Variants in EIF4ENIF1 observed in about 807,000 individuals in gnomAD.
The protein encoded by EIF4ENIF1 is eukaryotic translation initiation factor 4E transporter.
EIF4ENIF1 carries 23 observed loss-of-function variants against 110.5 expected under a neutral mutation model. That is an observed-to-expected ratio of 0.21 (90% CI 0.15 to 0.29). The LOEUF is 0.29. Ranked by LOEUF, EIF4ENIF1 falls within the 10% of genes least tolerant of loss-of-function variation. The probability of loss-of-function intolerance (pLI) is 1.00; values close to 1 mark genes in which losing one functional copy is unlikely to be tolerated. For synonymous variants in EIF4ENIF1, 440 were observed against 437.0 expected, an observed-to-expected ratio of 1.01 and a Z score of -0.09; for missense variants, 1,031 against 1,221.1, an observed-to-expected ratio of 0.84 and a Z score of 2.32.
Position 31,443,093 on chromosome 22 carries a change from A to G in EIF4ENIF1, c.2075T>C (p.Leu692Pro). 1 of 1,613,812 alleles carries G rather than the reference A, an allele frequency of 6.2e-7. No homozygotes were observed. Among genetic ancestry groups the G allele is most frequent in the Non-Finnish European group, 8.5e-7 (1 of 1,179,954 alleles). ...TGAGGTAGGGGTAAAGGAAGGAGAA[A>G]GCTGCAGAGAAAAACAATTGGCATT... ...PAPAASITSM[L>P]SPSFTPTSVI... The change falls in exon 16 of 19, where the codon CTT becomes CCT. Residue 692 changes from leucine (L) to proline (P), a missense_variant and splice_region_variant. This residue lies in a region of EIF4ENIF1 where 704 missense variants were observed against 879.7 expected (regional missense o/e 0.80). Coordinates refer to ENST00000330125, the MANE Select transcript of EIF4ENIF1 (RefSeq NM_019843.4).
In EIF4ENIF1 at chr22:31,464,691, A is replaced by T. The variant is rs1391896081; in HGVS notation, c.299-724T>A. 5.9e-3 allele frequency among the ~76,000 whole-genome samples: 293 copies of T among 49,710 alleles called. 6 individuals are homozygous for T. The highest frequency in any genetic ancestry group is 0.018 in the Admixed American group (89 of 4,832). The allele number at this position is 49,710 out of a possible 152,430, so 32.6% of individuals were successfully genotyped here. A position where few individuals can be genotyped will look rare whatever the true frequency, so the allele number is the denominator to read the frequency against. ...ATTCAGTCTCAAAAAAAAAAAAAAA[A>T]AAAAAAAAATATATATATATATATA... On this transcript the variant is annotated intron_variant, in intron 4 of 18. Coordinates refer to ENST00000330125, the MANE Select transcript of EIF4ENIF1 (RefSeq NM_019843.4).
intron 2 of EIF4ENIF1, among the ~76,000 whole-genome samples, chr22:31,477,506 AAG>A (rs1224013414): frequency 1.3e-5 from 2 of 152,368 alleles, no homozygotes; most frequent in Admixed American, 6.5e-5. Flanking sequence ...CTCAGTTAAG[AAG>A]AGTTAACAAA....
chr22:31,444,602 T>C lies in EIF4ENIF1; in HGVS notation c.2073+4A>G. The C allele has an allele frequency of 6.2e-7, 1 of 1,613,932 alleles. No individual in the cohort carries two copies. The highest frequency in any genetic ancestry group is 1.7e-4 in the Middle Eastern group (1 of 6,060). ...GTCCTTCACAGTTACTAAAGGTCAC[T>C]GACCATGCTTGTGATGGAGGCAGCA... On this transcript the variant is annotated splice_donor_region_variant and intron_variant, in intron 15 of 18. Transcript: ENST00000330125.
rs1383691227 is a variant in EIF4ENIF1, at chr22:31,473,157, AT to A, written c.97-1241del. Among the ~76,000 whole-genome samples, 6 of 151,458 alleles carry A rather than the reference AT, an allele frequency of 4.0e-5. No homozygotes were observed. The East Asian group carries it at 1.2e-3, about 29-fold the overall frequency. ...GTGCCTATTTCCTAAGAATGAAGATATTCCTTTACAGCCTGTTATCCAGCTC... is the reference window on the plus strand; with the variant it reads ...GTGCCTATTTCCTAAGAATGAAGATATCCTTTACAGCCTGTTATCCAGCTC... On this transcript the variant is annotated intron_variant, in intron 2 of 18. Transcript: ENST00000330125.
intron 14 of EIF4ENIF1, among the ~76,000 whole-genome samples, chr22:31,445,053 A>T (rs1343122757): frequency 1.3e-5 from 2 of 152,198 alleles, no homozygotes; most frequent in Non-Finnish European, 2.9e-5. Context: ...GCTGCATTCC[A>T]TTGGGTGCGA....
At chr22:31,450,660 G>A (rs1008281242) in intron 10 of EIF4ENIF1, 58 of 317,912 alleles carry the variant, frequency 1.8e-4, no homozygotes, top group Admixed American at 1.2e-3. Flanking sequence ...TGGTGAAACC[G>A]GGGAACACTT....
intron 10 of EIF4ENIF1, chr22:31,450,681 A>C: frequency 3.3e-6 from 1 of 307,422 alleles, no homozygotes; most frequent in Non-Finnish European, 6.3e-6. Flanking sequence ...ACTTGAGATA[A>C]CTCTTGCTAC....
intron 17 of EIF4ENIF1, 73 bp downstream of exon 17, chr22:31,441,701 G>T: frequency 7.9e-7 from 1 of 1,268,048 alleles, no homozygotes; most frequent in Non-Finnish European, 1.1e-6. Context: ...CCACATTATA[G>T]CACTTCATCA....
rs757502488 is a variant in EIF4ENIF1 at position 31,440,867 on chromosome 22, A to G, written c.2553T>C (p.Gly851=). The change falls in exon 18 of 19, where the codon GGT becomes GGC. Residue 851 remains glycine (G), a splice_region_variant and synonymous_variant. Coordinates refer to ENST00000330125, the MANE Select transcript of EIF4ENIF1 (RefSeq NM_019843.4). ...TCAAGTCCATCCCAGGAGGAAGCAC[A>G]CCTGTTGAGCAGAAAAAGCAAGCAG... ...PQHLPSLLQT[G]VLPPGMDLSH... 1.2e-6 allele frequency: 2 copies of G among 1,613,896 alleles called. No individual in the cohort carries two copies. The highest frequency in any genetic ancestry group is 2.2e-5 in the South Asian group (2 of 91,076).
At position 31,463,090 on chromosome 22, in the gene EIF4ENIF1, C is replaced by A. The variant is rs1433971135; in HGVS notation, c.629G>T (p.Arg210Ile). ...DSKRVFGERR[R>I]NDSYTEEEPE... ...TTCTTCTTCTGTGTAAGAATCATTT[C>A]TTCTACGCTCACCAAAGACACGCTT... Residue 210 changes from arginine (R) to isoleucine (I), a missense_variant, in exon 6 of 19, where the codon AGA (arginine) becomes ATA (isoleucine). By Grantham distance (97) the Arg-to-Ile change is moderately conservative. Around this residue, in one of 3 missense-constraint regions of EIF4ENIF1, gnomAD observed 704 missense variants for 879.7 expected, o/e 0.80. Transcript: ENST00000330125. 6.2e-7 allele frequency: 1 copy of A among 1,614,168 alleles called. No individual in the cohort carries two copies. The highest frequency in any genetic ancestry group is 8.5e-7 in the Non-Finnish European group (1 of 1,180,028).
At chr22:31,468,053 CA>C (rs2051249792) in intron 4 of EIF4ENIF1, 121 bp downstream of exon 4, 1 of 1,410,164 alleles carries the variant, frequency 7.1e-7, no homozygotes, top group Admixed American at 2.2e-5. Flanking sequence ...ACCGATAAAT[CA>C]GTTTCCTGAT....
chr22:31,459,142 G>T (rs1419902742), intron 6 of EIF4ENIF1, among the ~76,000 whole-genome samples: 1 of 151,916 alleles, frequency 6.6e-6, no homozygotes, highest in Non-Finnish European at 1.5e-5. Flanking sequence ...TGCACAGCCT[G>T]GACTTAAACT....
At position 31,458,642 on chromosome 22, in the gene EIF4ENIF1, C is replaced by T. The variant is rs773059638; in HGVS notation, c.796G>A (p.Glu266Lys). 6.3e-7 allele frequency: 1 copy of T among 1,581,222 alleles called. No individual in the cohort carries two copies. The highest frequency in any genetic ancestry group is 1.8e-4 in the Middle Eastern group (1 of 5,510). ...RTASVKEGIV[E>K]CNGGVAEEDE... ...TCTTCGGCCACTCCTCCATTGCACT[C>T]TACTATACCTGAAAGCAAAACCAGG... The change falls in exon 7 of 19, where the codon GAG (glutamate) becomes AAG (lysine). Residue 266 changes from glutamate (E) to lysine (K), a missense_variant. Coordinates refer to ENST00000330125, the MANE Select transcript of EIF4ENIF1 (RefSeq NM_019843.4).
chr22:31,480,478 G>A (rs1237854953), intron 2 of EIF4ENIF1, among the ~76,000 whole-genome samples: 2 of 152,134 alleles, frequency 1.3e-5, no homozygotes, highest in African/African-American at 4.8e-5. Flanking sequence ...ATATTCCTGG[G>A]CGGGCGTGGT....
At position 31,449,586 on chromosome 22, in the gene EIF4ENIF1, G is replaced by A; in HGVS notation, c.1585-55C>T. The A allele has an allele frequency of 3.9e-6, 6 of 1,531,370 alleles. No individual in the cohort carries two copies. In the South Asian group the frequency reaches 7.4e-5, roughly 19 times the overall value. The allele number at this position is 1,531,370 out of a possible 1,614,324, so 94.9% of individuals were successfully genotyped here. A position where few individuals can be genotyped will look rare whatever the true frequency, so the allele number is the denominator to read the frequency against. ...ACTTAGTTATTCCTTCTACTCAGAG[G>A]CTGTGAATTATGGATTAACTTTTGA... On this transcript the variant is annotated intron_variant, in intron 11 of 18. Coordinates refer to ENST00000330125, the MANE Select transcript of EIF4ENIF1 (RefSeq NM_019843.4).
At chr22:31,451,476 A>G (rs1159045074) in intron 10 of EIF4ENIF1, among the ~76,000 whole-genome samples, 6 of 150,290 alleles carry the variant, frequency 4.0e-5, no homozygotes, top group Non-Finnish European at 7.4e-5. Flanking sequence ...GGGTTTCACC[A>G]TGTTGGCCAG....
intron 2 of EIF4ENIF1, among the ~76,000 whole-genome samples, chr22:31,486,745 C>G (rs1267294529): frequency 6.6e-6 from 1 of 151,796 alleles, no homozygotes; most frequent in African/African-American, 2.4e-5. Flanking sequence ...CCATTGCACT[C>G]TGGTGATAGA....
intron 12 of EIF4ENIF1, 47 bp from the exon 13 acceptor site, chr22:31,448,279 A>C (rs1427911099): frequency 1.3e-6 from 2 of 1,582,480 alleles, no homozygotes; most frequent in Non-Finnish European, 1.7e-6. Flanking sequence ...GTATGTGTGC[A>C]TCAGGGAGGC....
chr22:31,489,539 T>A (rs2052182698), intron 1 of EIF4ENIF1, 155 bp downstream of exon 1: 2 of 148,588 alleles, frequency 1.3e-5, no homozygotes, highest in African/African-American at 4.9e-5. Flanking sequence ...CCGGCCGCCT[T>A]GCGGGCCTCG....
Sources: gnomAD v4.1 joint callset for allele counts (sites outside exome capture counted in the v4.1 genomes callset) on GRCh38, gnomAD v4.1.1 for gene constraint, gnomAD v4.1.1 regional missense constraint, MANE v1.5 for transcripts, NCBI Gene and HGNC (gene_info 2026-07-23, HGNC 2026-07-21) for gene names.